The following ARB2A variants were observed in gnomAD, a reference collection of about 807,000 sequenced individuals.
The protein encoded by ARB2A is cotranscriptional regulator ARB2A.
the ARB2A span, among the ~76,000 whole-genome samples, chr5:93,703,512 CTT>C: frequency 1.3e-5 from 2 of 152,326 alleles, no homozygotes; most frequent in South Asian, 4.1e-4. Flanking sequence ...AAATAGCTAA[CTT>C]AATGCTTTCT....
At chr5:93,666,854 C>T in the ARB2A span, among the ~76,000 whole-genome samples, 1 of 152,152 alleles carries the variant, frequency 6.6e-6, no homozygotes, top group Non-Finnish European at 1.5e-5. Context: ...ATGCTCCTAA[C>T]TATGTACATG....
At chr5:94,094,709 G>A in the ARB2A span, among the ~76,000 whole-genome samples, 11 of 152,168 alleles carry the variant, frequency 7.2e-5, no homozygotes, top group East Asian at 2.1e-3. Context: ...TGATGCAAAG[G>A]GTTTTTTGCA....
chr5:93,981,659 T>C, the ARB2A span, among the ~76,000 whole-genome samples: 4 of 151,686 alleles, frequency 2.6e-5, no homozygotes, highest in African/African-American at 9.7e-5. Context: ...TAATAAACAA[T>C]AATAAAATAT....
At chr5:93,628,589 A>G in the ARB2A span, among the ~76,000 whole-genome samples, 1 of 152,198 alleles carries the variant, frequency 6.6e-6, no homozygotes, top group African/African-American at 2.4e-5. Flanking sequence ...ACCTTCATCA[A>G]TGGTCTTAGC....
chr5:93,995,140 T>G, the ARB2A span, among the ~76,000 whole-genome samples: 1 of 152,194 alleles, frequency 6.6e-6, no homozygotes, highest in African/African-American at 2.4e-5. Context: ...TGCATAAAAC[T>G]CACTGTAGTA....
the ARB2A span, among the ~76,000 whole-genome samples, chr5:93,662,800 T>C: frequency 6.6e-6 from 1 of 152,230 alleles, no homozygotes; most frequent in Admixed American, 6.5e-5. Flanking sequence ...TTTTACTCCA[T>C]TGTCTTAGAC....
chr5:93,830,008 G>A, the ARB2A span, among the ~76,000 whole-genome samples: 3 of 151,984 alleles, frequency 2.0e-5, no homozygotes, highest in Non-Finnish European at 4.4e-5. Flanking sequence ...CATATCTGGA[G>A]TGACTATACA....
chr5:94,076,801 A>T, the ARB2A span, among the ~76,000 whole-genome samples: 2 of 152,142 alleles, frequency 1.3e-5, no homozygotes, highest in Non-Finnish European at 2.9e-5. Context: ...TCCCTTCACT[A>T]ACTCAGTATT....
chr5:93,865,089 TTTC>T, the ARB2A span, among the ~76,000 whole-genome samples: 1 of 152,282 alleles, frequency 6.6e-6, no homozygotes, highest in South Asian at 2.1e-4. Flanking sequence ...TCCTGGCTAA[TTTC>T]TTTTTTTTTG....
At chr5:93,899,139 T>A in the ARB2A span, among the ~76,000 whole-genome samples, 14,121 of 152,162 alleles carry the variant, frequency 0.093, 818 homozygotes, top group Middle Eastern at 0.16. Flanking sequence ...CCATAGCACA[T>A]ATATATAGAT....
chr5:93,785,039 T>C, the ARB2A span, among the ~76,000 whole-genome samples: 1 of 152,218 alleles, frequency 6.6e-6, no homozygotes, highest in Non-Finnish European at 1.5e-5. Flanking sequence ...AGCCTATTAA[T>C]TTTGCTTTCC....
the ARB2A span, among the ~76,000 whole-genome samples, chr5:94,010,053 G>A: frequency 6.6e-6 from 1 of 150,994 alleles, no homozygotes; most frequent in Admixed American, 6.6e-5. Context: ...ATGGAATTCT[G>A]CTGTTACCTT....
chr5:93,713,065 T>A, the ARB2A span, among the ~76,000 whole-genome samples: 1 of 152,074 alleles, frequency 6.6e-6, no homozygotes, highest in Admixed American at 6.6e-5. Flanking sequence ...TCAAAATGGA[T>A]TAAAGATTTA....
chr5:93,777,327 C>T, the ARB2A span, among the ~76,000 whole-genome samples: 2 of 152,022 alleles, frequency 1.3e-5, no homozygotes, highest in South Asian at 4.2e-4. Flanking sequence ...AAAAAAATCA[C>T]CATCTGGTGA....
the ARB2A span, among the ~76,000 whole-genome samples, chr5:93,617,918 A>G: frequency 6.6e-6 from 1 of 152,162 alleles, no homozygotes; most frequent in Non-Finnish European, 1.5e-5. Flanking sequence ...ATTACCTTAC[A>G]GCAATACTAA....
At chr5:94,051,347 G>A in the ARB2A span, among the ~76,000 whole-genome samples, 4 of 152,336 alleles carry the variant, frequency 2.6e-5, no homozygotes, top group East Asian at 5.8e-4. Context: ...GAAGGTTTCA[G>A]TGAGATTTCT....
chr5:94,012,564 C>T, the ARB2A span, among the ~76,000 whole-genome samples: 16 of 152,228 alleles, frequency 1.1e-4, no homozygotes, highest in South Asian at 4.2e-4. Context: ...CTGAGTTGTC[C>T]GCACTGTGCT....
At chr5:93,922,882 C>A in the ARB2A span, among the ~76,000 whole-genome samples, 3 of 151,942 alleles carry the variant, frequency 2.0e-5, no homozygotes, top group Non-Finnish European at 4.4e-5. Context: ...GATATGGGCA[C>A]TGAAATTAAA....
the ARB2A span, among the ~76,000 whole-genome samples, chr5:93,688,329 CCTT>C: frequency 1.3e-5 from 2 of 152,210 alleles, no homozygotes; most frequent in Non-Finnish European, 2.9e-5. Context: ...GGCTCGTGCT[CCTT>C]CTTTCTAAAG....
Sources: gnomAD v4.1 joint callset for allele counts (sites outside exome capture counted in the v4.1 genomes callset) on GRCh38, gnomAD v4.1.1 for gene constraint, MANE v1.5 for transcripts, NCBI Gene and HGNC (gene_info 2026-07-23, HGNC 2026-07-21) for gene names.